Variants in CUX1 observed in about 807,000 individuals in gnomAD.
The protein encoded by CUX1 is cut like homeobox 1, also known as protein CASP.
In CUX1, 31 loss-of-function variants were observed where a neutral mutation model predicts 158.8. The observed-to-expected ratio is 0.20, with a 90% confidence interval of 0.15 to 0.26. The LOEUF (loss-of-function observed/expected upper bound fraction) is 0.26. Among genes scored for constraint, CUX1 ranks in the 10% least tolerant of loss-of-function variants. CUX1 has a pLI of 1.00. For missense variants in CUX1, 1,589 were observed against 2,014.6 expected (o/e 0.79, Z 4.04); for synonymous variants, 879 against 862.1 (o/e 1.02, Z -0.34).
chr7:102,147,726 G>A (rs1017675571), intron 8 of CUX1, among the ~76,000 whole-genome samples: 4 of 152,176 alleles, frequency 2.6e-5, no homozygotes, highest in African/African-American at 7.2e-5. Flanking sequence ...GGCCGGTGCG[G>A]TGGCTCATAT....
chr7:101,985,876 G>A (rs1218453330), intron 2 of CUX1, among the ~76,000 whole-genome samples: 2 of 152,204 alleles, frequency 1.3e-5, no homozygotes, highest in South Asian at 4.1e-4. Context: ...TCCCACAGGG[G>A]TTCTTTAGAC....
chr7:102,228,948 A>G (rs1243529826), intron 21 of CUX1, among the ~76,000 whole-genome samples: 1 of 152,224 alleles, frequency 6.6e-6, no homozygotes, highest in Non-Finnish European at 1.5e-5. Context: ...GATGCTGGCC[A>G]GGCTGCCTGC....
chr7:101,955,898 A>C (rs1446554169), intron 2 of CUX1, among the ~76,000 whole-genome samples: 2 of 144,566 alleles, frequency 1.4e-5, no homozygotes, highest in Non-Finnish European at 3.0e-5. Context: ...GGTTAAAAAA[A>C]AAAGGCTGGG....
intron 2 of CUX1, among the ~76,000 whole-genome samples, chr7:101,996,308 G>A (rs1195329311): frequency 4.6e-5 from 7 of 152,090 alleles, no homozygotes; most frequent in Non-Finnish European, 8.8e-5. Flanking sequence ...CACAGGCACA[G>A]GACAGAAGGC....
intron 1 of CUX1, among the ~76,000 whole-genome samples, chr7:101,889,130 G>A (rs1800571831): frequency 6.6e-6 from 1 of 151,682 alleles, no homozygotes; most frequent in Admixed American, 6.6e-5. Context: ...AGTTGGATGT[G>A]TACCTGTGAT....
chr7:102,057,144 G>A (rs928779453), intron 3 of CUX1, among the ~76,000 whole-genome samples: 6 of 151,938 alleles, frequency 3.9e-5, no homozygotes, highest in South Asian at 4.2e-4. Flanking sequence ...CTCGTGATCC[G>A]CCCGCCGCAG....
At chr7:101,983,986 A>G (rs1813829455) in intron 2 of CUX1, among the ~76,000 whole-genome samples, 1 of 148,268 alleles carries the variant, frequency 6.7e-6, no homozygotes, top group Admixed American at 6.8e-5. Flanking sequence ...GTGAGCTGAG[A>G]TTGTGCCACT....
chr7:102,204,344 T>C (rs2132063718), intron 18 of CUX1, 47 bp from the exon 19 acceptor site: 1 of 1,603,122 alleles, frequency 6.2e-7, no homozygotes, highest in South Asian at 1.1e-5. Context: ...TGTGGTGTCA[T>C]GCTAATAGCC....
intron 8 of CUX1, among the ~76,000 whole-genome samples, chr7:102,150,756 C>T (rs1454480381): frequency 1.3e-5 from 2 of 152,284 alleles, no homozygotes; most frequent in Admixed American, 1.3e-4. Context: ...TGTGTGTTAG[C>T]CCAGAGAATA....
chr7:102,266,416 A>T (rs1216970373), intron 14 of CUX1, among the ~76,000 whole-genome samples: 1 of 151,810 alleles, frequency 6.6e-6, no homozygotes, highest in Non-Finnish European at 1.5e-5. Context: ...CTTGGGGAGT[A>T]CAGACTTGGG....
Position 102,252,260 on chromosome 7 carries a change from C to T in CUX1, c.*3218C>T, listed in dbSNP as rs1224206031. ...AGCACCCCCTCCTGGTTGGGCCCCT[C>T]AGTTGGAGTCTAAGGGTTAATCTCT... On this transcript the variant is annotated 3_prime_UTR_variant, in exon 24 of 24. Coordinates refer to ENST00000292535, the MANE Select transcript of CUX1 (RefSeq NM_181552.4). The T allele has an allele frequency of 4.1e-6, 4 of 985,472 alleles. No individual in the cohort carries two copies. Among genetic ancestry groups the T allele is most frequent in the Non-Finnish European group, 3.6e-6 (3 of 829,962 alleles). The allele number at this position is 985,472 out of a possible 1,614,324, so 61.0% of individuals were successfully genotyped here. A position where few individuals can be genotyped will look rare whatever the true frequency, so the allele number is the denominator to read the frequency against.
chr7:102,191,713 GTCTTCTTCTTTCTTCCTC>G (rs1450813350), intron 12 of CUX1, among the ~76,000 whole-genome samples: 7 of 152,040 alleles, frequency 4.6e-5, no homozygotes, highest in East Asian at 1.9e-4. Flanking sequence ...CGTCTTCGTT[GTCTTCTTCTTTCTTCCTC>G]TCTTCTTCTT....
At chr7:102,265,410 T>C (rs1195387707) in intron 14 of CUX1, among the ~76,000 whole-genome samples, 1 of 151,538 alleles carries the variant, frequency 6.6e-6, no homozygotes, top group Non-Finnish European at 1.5e-5. Context: ...CTGAGGAGGC[T>C]GCTGTTTGCA....
chr7:101,908,961 C>T (rs1360511225), intron 1 of CUX1, among the ~76,000 whole-genome samples: 1 of 152,194 alleles, frequency 6.6e-6, no homozygotes, highest in Non-Finnish European at 1.5e-5. Context: ...AGCCCACATA[C>T]ACTTTAAAGA....
intron 1 of CUX1, among the ~76,000 whole-genome samples, chr7:101,825,796 T>TGTGTGTGC (rs1793212934): frequency 1.2e-5 from 1 of 82,780 alleles, no homozygotes; most frequent in Non-Finnish European, 2.4e-5. Flanking sequence ...TGTGTGTGTG[T>TGTGTGTGC]GTGCGCGCGC....
chr7:101,825,788 TGTGTGTGTGTGC>T (rs762813573), intron 1 of CUX1, among the ~76,000 whole-genome samples: 186 of 105,244 alleles, frequency 1.8e-3, no homozygotes, highest in African/African-American at 5.7e-3. Context: ...TGTGTGTGTG[TGTGTGTGTGTGC>T]GCGCGCGCGC....
intron 1 of CUX1, among the ~76,000 whole-genome samples, chr7:101,885,739 A>G (rs1800157153): frequency 6.6e-6 from 1 of 152,136 alleles, no homozygotes; most frequent in East Asian, 1.9e-4. Context: ...TGGACTACTC[A>G]ATAAATATTA....
intron 3 of CUX1, among the ~76,000 whole-genome samples, chr7:102,037,375 G>A (rs1464584247): frequency 2.1e-5 from 3 of 142,136 alleles, no homozygotes; most frequent in South Asian, 4.5e-4. Context: ...TTTTTGAGAC[G>A]GAGTTTTGTT....
At position 102,255,701 on chromosome 7, in the gene CUX1, C is replaced by T. The variant is rs1789820608; in HGVS notation, c.*6659C>T. The T allele has an allele frequency of 1.0e-6, 1 of 985,422 alleles. No homozygotes were observed. The highest frequency in any genetic ancestry group is 1.2e-6 in the Non-Finnish European group (1 of 829,932). 61.0% of individuals were successfully genotyped at this position (985,422 alleles called of 1,614,324 possible). A position where few individuals can be genotyped will look rare whatever the true frequency, so the allele number is the denominator to read the frequency against. On this transcript the variant is annotated 3_prime_UTR_variant, in exon 24 of 24. Coordinates refer to ENST00000292535, the MANE Select transcript of CUX1 (RefSeq NM_181552.4). ...TCCCTATGGAAATTAATCAGAAGCA[C>T]AGTGTGTACGGAAGCATTGGGACTT...
Sources: allele counts gnomAD v4.1 joint callset (sites outside exome capture counted in the v4.1 genomes callset), GRCh38; gene constraint gnomAD v4.1.1; transcripts MANE v1.5; gene names NCBI Gene and HGNC (gene_info 2026-07-23, HGNC 2026-07-21).